ABCB5: variants seen among roughly 807,000 people sequenced by gnomAD.
ABCB5 encodes ATP binding cassette subfamily B member 5.
A neutral mutation model predicts 144.2 loss-of-function variants in ABCB5; 155 were observed. That is an observed-to-expected ratio of 1.08 (90% CI 0.94 to 1.23). The LOEUF (loss-of-function observed/expected upper bound fraction) is 1.23. ABCB5 is among the 50% of genes most tolerant of loss of function. ABCB5 has a pLI of 0.00. For missense variants in ABCB5, 1,830 were observed against 1,520.8 expected, an observed-to-expected ratio of 1.20 and a Z score of -3.38; for synonymous variants, 610 against 528.6, an observed-to-expected ratio of 1.15 and a Z score of -2.11.
intron 16 of ABCB5, among the ~76,000 whole-genome samples, 191 bp downstream of exon 16, chr7:20,686,027 T>C (rs1460925634): frequency 1.3e-5 from 2 of 152,180 alleles, no homozygotes; most frequent in African/African-American, 4.8e-5. Flanking sequence ...AAGGCTGCAT[T>C]TATATCAGAG....
chr7:20,679,237 G>A (rs1785708618), intron 14 of ABCB5, among the ~76,000 whole-genome samples: 1 of 152,090 alleles, frequency 6.6e-6, no homozygotes, highest in Non-Finnish European at 1.5e-5. Flanking sequence ...GGATGCTGAG[G>A]TGGGTGGATC....
In ABCB5 at chr7:20,744,621, G is replaced by A. The variant is rs529431105; in HGVS notation, c.3223-611G>A. Among the ~76,000 whole-genome samples the A allele has an allele frequency of 1.2e-4, 18 of 151,178 alleles. No individual in the cohort carries two copies. The South Asian group carries it at 3.8e-3, about 32-fold the overall frequency. ...CTAAAATATAAGCTACATCCATGGG[G>A]GGAGGGGGGAGGGACAGCATTAGGA... On this transcript the variant is annotated intron_variant, in intron 25 of 27. Coordinates refer to ENST00000404938, the MANE Select transcript of ABCB5 (RefSeq NM_001163941.2).
intron 14 of ABCB5, among the ~76,000 whole-genome samples, chr7:20,660,563 A>C (rs568605075): frequency 1.4e-3 from 219 of 152,246 alleles, no homozygotes; most frequent in African/African-American, 5.0e-3. Context: ...AAGCTGTAGC[A>C]CCATGACAGC....
At position 20,745,329 on chromosome 7, in the gene ABCB5, T is replaced by C. The variant is rs143407594; in HGVS notation, c.3320T>C (p.Ile1107Thr). Residue 1107 changes from isoleucine (I) to threonine (T), a missense_variant, in exon 26 of 28, where the codon ATT becomes ACT. By Grantham distance (89) the Ile-to-Thr change is moderately conservative. Transcript: ENST00000404938. ...GAGCCTGTGCTCTTCAACTGCAGCA[T>C]TGCTGAGAACATCGCCTATGGTGAC... Reference protein sequence around the residue: ...PQEPVLFNCSIAENIAYGDNS... With the variant: ...PQEPVLFNCSTAENIAYGDNS... 3.5e-5 allele frequency: 56 copies of C among 1,614,022 alleles called. No homozygotes were observed. The African/African-American group carries it at 3.6e-4, about 10-fold the overall frequency.
intron 1 of ABCB5, among the ~76,000 whole-genome samples, chr7:20,620,466 C>T (rs931763096): frequency 2.0e-5 from 3 of 151,862 alleles, no homozygotes; most frequent in African/African-American, 7.3e-5. Flanking sequence ...GAAAGACAAT[C>T]CACATAATAA....
At chr7:20,750,022 T>C (rs1782866970) in intron 26 of ABCB5, among the ~76,000 whole-genome samples, 1 of 152,132 alleles carries the variant, frequency 6.6e-6, no homozygotes, top group Non-Finnish European at 1.5e-5. Flanking sequence ...AGGAAAGAAA[T>C]GTTTAAGTTT....
In ABCB5 at chr7:20,645,767, A is replaced by T. The variant is rs949024215; in HGVS notation, c.690A>T (p.Ser230=). The T allele has an allele frequency of 4.3e-6, 7 of 1,613,754 alleles. No individual in the cohort carries two copies. The highest frequency in any genetic ancestry group is 5.9e-6 in the Non-Finnish European group (7 of 1,179,704). ...GTGGTTTATTACAGATGGTCATCTC[A>T]TTGACCAGTAAGGAATTAAGTGCCT... The part of the protein sequence containing the change: ...SAAACSRMVI[S]LTSKELSAYS... Residue 230 remains serine, a synonymous_variant, in exon 8 of 28, where the codon TCA becomes TCT. Transcript: ENST00000404938.
chr7:20,740,434 C>G (rs963462922), intron 24 of ABCB5, among the ~76,000 whole-genome samples: 1 of 152,068 alleles, frequency 6.6e-6, no homozygotes, highest in African/African-American at 2.4e-5. Context: ...TAAAATACAG[C>G]ATTACTAGAG....
At chr7:20,708,548 C>CA (rs1045245919) in intron 20 of ABCB5, among the ~76,000 whole-genome samples, 2 of 152,088 alleles carry the variant, frequency 1.3e-5, no homozygotes, top group East Asian at 1.9e-4. Flanking sequence ...CATAATATTG[C>CA]AAAAAACTTT....
At position 20,698,469 on chromosome 7, in the gene ABCB5, T is replaced by G; in HGVS notation, c.2073T>G (p.Phe691Leu). 6.2e-7 allele frequency: 1 copy of G among 1,600,424 alleles called. No individual in the cohort carries two copies. Among genetic ancestry groups the G allele is most frequent in the Non-Finnish European group, 8.5e-7 (1 of 1,175,458 alleles). Residue 691 changes from phenylalanine to leucine, a missense_variant, in exon 17 of 28, where the codon TTT becomes TTG. Phe to Leu is a conservative substitution (Grantham distance 22). Coordinates refer to ENST00000404938, the MANE Select transcript of ABCB5 (RefSeq NM_001163941.2). ...ILKLNKPEWPFVVLGTLASVL... is the reference protein window; with the variant it reads ...ILKLNKPEWPLVVLGTLASVL... ...AGTTAAACAAGCCTGAATGGCCTTT[T>G]GTGGTTCTGGGGACATTGGCTTCTG...
At chr7:20,738,921 G>T in intron 23 of ABCB5, 62 bp from the exon 24 acceptor site, 4 of 1,471,540 alleles carry the variant, frequency 2.7e-6, no homozygotes, top group Non-Finnish European at 3.6e-6. Context: ...TTTACTTTTA[G>T]AGTTCTACTG....
chr7:20,625,487 T>C lies in ABCB5; in HGVS notation c.54-1070T>C, dbSNP rs1282175155. ...AATGTGAGCATACAAAGCTAAGAAA[T>C]GAAATTTTCAAAAAGGGAGACAAAA... On this transcript the variant is annotated intron_variant, in intron 2 of 27. Coordinates refer to ENST00000404938, the MANE Select transcript of ABCB5 (RefSeq NM_001163941.2). Among the ~76,000 whole-genome samples the C allele has an allele frequency of 3.9e-5, 6 of 152,144 alleles. No homozygotes were observed. In the East Asian group the frequency reaches 5.8e-4, roughly 15 times the overall value.
chr7:20,654,987 T>A, intron 13 of ABCB5, among the ~76,000 whole-genome samples: 1 of 145,096 alleles, frequency 6.9e-6, no homozygotes, highest in Non-Finnish European at 1.5e-5. Context: ...TAGAAATCAG[T>A]AAAACCAAAA....
At chr7:20,672,536 T>A (rs751923300) in intron 14 of ABCB5, among the ~76,000 whole-genome samples, 6 of 152,118 alleles carry the variant, frequency 3.9e-5, no homozygotes, top group Non-Finnish European at 7.4e-5. Context: ...AACCTTCCAG[T>A]TCTGAACATG....
At chr7:20,685,857 C>T (rs1785976978) in intron 16 of ABCB5, 21 bp downstream of exon 16, 2 of 1,560,026 alleles carry the variant, frequency 1.3e-6, no homozygotes, top group Non-Finnish European at 1.7e-6. Context: ...AGCGATCAAC[C>T]AGTTTTTCCT....
chr7:20,701,522 A>G (rs1205161211), intron 19 of ABCB5, among the ~76,000 whole-genome samples: 2 of 152,194 alleles, frequency 1.3e-5, no homozygotes, highest in African/African-American at 4.8e-5. Context: ...CTTTTAGTGG[A>G]AGAATTTCAA....
At chr7:20,719,138 T>C (rs1781780109) in intron 20 of ABCB5, among the ~76,000 whole-genome samples, 1 of 152,140 alleles carries the variant, frequency 6.6e-6, no homozygotes, top group Non-Finnish European at 1.5e-5. Flanking sequence ...TTTAACTTTA[T>C]CTAAGCTTTT....
intron 14 of ABCB5, among the ~76,000 whole-genome samples, chr7:20,676,881 T>C (rs1157308180): frequency 6.6e-6 from 1 of 152,086 alleles, no homozygotes; most frequent in Non-Finnish European, 1.5e-5. Context: ...AAGACAGAAA[T>C]TGGCAGAAAC....
At chr7:20,669,455 T>A (rs1009582509) in intron 14 of ABCB5, among the ~76,000 whole-genome samples, 1 of 136,388 alleles carries the variant, frequency 7.3e-6, no homozygotes, top group African/African-American at 3.0e-5. Flanking sequence ...CTGAAACATG[T>A]GCTGTGTCCA....
Sources: allele counts gnomAD v4.1 joint callset (sites outside exome capture counted in the v4.1 genomes callset), GRCh38; gene constraint gnomAD v4.1.1; transcripts MANE v1.5; gene names NCBI Gene and HGNC (gene_info 2026-07-23, HGNC 2026-07-21).